Variants in ZNF250 observed in about 807,000 individuals in gnomAD.
ZNF250 encodes the protein zinc finger protein 250.
ZNF250 carries 13 observed loss-of-function variants against 37.1 expected under a neutral mutation model. The ratio of observed to expected loss-of-function variants is 0.35; its 90% confidence interval spans 0.23 to 0.56. The LOEUF is 0.56. Among genes scored for constraint, ZNF250 ranks in the 20% least tolerant of loss-of-function variants. The pLI is 0.87. For synonymous variants in ZNF250, 251 were observed against 265.6 expected, an observed-to-expected ratio of 0.94 and a Z score of 0.54; for missense variants, 474 against 697.9, an observed-to-expected ratio of 0.68 and a Z score of 3.61.
In ZNF250 at chr8:144,900,044, A is replaced by T. The variant is rs60842962; in HGVS notation, c.-55+1355T>A. Among the ~76,000 whole-genome samples the T allele has an allele frequency of 2.8e-3, 421 of 152,360 alleles. 4 individuals carry two copies. Among genetic ancestry groups the T allele is most frequent in the African/African-American group, 9.4e-3 (393 of 41,588 alleles). ...AATCAGAGTCAAAAGACAAATTGAG[A>T]AGCATGTTTTCAACATACATGGAAA... On this transcript the variant is annotated intron_variant, in intron 1 of 5. Coordinates refer to ENST00000417550, the MANE Select transcript of ZNF250 (RefSeq NM_001109689.4).
rs529656964 is a variant in ZNF250, at chr8:144,897,024, C to T, written c.-55+4375G>A. Among the ~76,000 whole-genome samples, 46 of 152,328 alleles carry T rather than the reference C, an allele frequency of 3.0e-4. No individual in the cohort carries two copies. Among genetic ancestry groups the T allele is most frequent in the African/African-American group, 1.1e-3 (45 of 41,580 alleles). ...GATCAACGTTATTAGCAGCAACTGG[C>T]TTTCCAGTTTTCTTTAGGTGATCAA... is the stretch of plus-strand genomic sequence containing the variant. On this transcript the variant is annotated intron_variant, in intron 1 of 5. Coordinates refer to ENST00000417550, the MANE Select transcript of ZNF250 (RefSeq NM_001109689.4). This position sits in a 1 kb window ranked among gnomAD's most constrained non-coding sequence, Gnocchi z 5.2.
At chr8:144,888,598 A>AGC (rs1431709159) in intron 4 of ZNF250, among the ~76,000 whole-genome samples, 1,455 of 125,434 alleles carry the variant, frequency 0.012, 10 homozygotes, top group Non-Finnish European at 0.017. Context: ...ACTGTCTCAA[A>AGC]AAAAAAAAAA....
rs957530077 is a variant in ZNF250 at position 144,881,713 on chromosome 8, A to C, written c.1470T>G (p.Ile490Met). The C allele has an allele frequency of 6.2e-7, 1 of 1,613,690 alleles. No individual in the cohort carries two copies. Among genetic ancestry groups the C allele is most frequent in the Non-Finnish European group, 8.5e-7 (1 of 1,179,918 alleles). Residue 490 changes from isoleucine to methionine, a missense_variant, in exon 6 of 6, where the codon ATT (isoleucine) becomes ATG (methionine). Coordinates refer to ENST00000417550, the MANE Select transcript of ZNF250 (RefSeq NM_001109689.4). ...CGCCCGTGTGGGTCCTCAGGTGCAC[A>C]ATCAGAGTTGCTTTCAGGCTGAAGG... Reference protein sequence around the residue: ...GKAFSLKATLIVHLRTHTGEK... With the variant: ...GKAFSLKATLMVHLRTHTGEK...
At chr8:144,883,342 CTTTT>C (rs538221806) in intron 5 of ZNF250, among the ~76,000 whole-genome samples, 1 of 140,872 alleles carries the variant, frequency 7.1e-6, no homozygotes. Context: ...AAAATAATTT[CTTTT>C]TTTTTTTTTT....
At chr8:144,892,134 C>G (rs1395672800) in intron 1 of ZNF250, among the ~76,000 whole-genome samples, 1 of 152,264 alleles carries the variant, frequency 6.6e-6, no homozygotes, top group African/African-American at 2.4e-5. Flanking sequence ...GAGAGACTGA[C>G]TTTCAACCCT....
chr8:144,902,166 GC>G (rs1387527317), upstream of ZNF250: 3 of 152,372 alleles, frequency 2.0e-5, no homozygotes, highest in Non-Finnish European at 4.4e-5. Flanking sequence ...CGCCCACTCG[GC>G]CCTGGTGTTT....
At position 144,880,066 on chromosome 8, in the gene ZNF250, CAAAA is replaced by C. The variant is rs61668478; in HGVS notation, c.*1445_*1448del. The C allele has an allele frequency of 0.054, 7,276 of 133,706 alleles. 384 individuals are homozygous for C. Among genetic ancestry groups the C allele is most frequent in the East Asian group, 0.25 (1,193 of 4,814 alleles). The allele number at this position is 133,706 out of a possible 1,614,324, so 8.3% of individuals were successfully genotyped here. On this transcript the variant is annotated 3_prime_UTR_variant, in exon 6 of 6. Transcript: ENST00000417550. The stretch of plus-strand genomic sequence containing the variant: ...GGGGAACAAGAGCAAGACTTTGTCT[CAAAA>C]AAAAAAAAAAAAGTATGCTTAAAAC...
In ZNF250 at chr8:144,882,458, C is replaced by A. The variant is rs1190346878; in HGVS notation, c.725G>T (p.Arg242Ile). 6.2e-7 allele frequency: 1 copy of A among 1,613,962 alleles called. No individual in the cohort carries two copies. The highest frequency in any genetic ancestry group is 2.2e-5 in the East Asian group (1 of 44,820). Residue 242 changes from arginine (R) to isoleucine (I), a missense_variant, in exon 6 of 6, where the codon AGA becomes ATA. By Grantham distance (97) the Arg-to-Ile change is moderately conservative. Transcript: ENST00000417550. The surrounding 1 kb of genome is among the most constrained non-coding windows in gnomAD (Gnocchi z 5.5). ...SQSSVLSKHR[R>I]IHTGEKPYEC... ...ATAGGGCTTCTCACCTGTGTGAATT[C>A]TCCTGTGTTTACTAAGGACTGAGCT...
Position 144,881,844 on chromosome 8 carries a change from C to T in ZNF250, c.1339G>A (p.Val447Met). The T allele has an allele frequency of 6.2e-7, 1 of 1,614,248 alleles. No homozygotes were observed. Among genetic ancestry groups the T allele is most frequent in the Admixed American group, 1.7e-5 (1 of 60,034 alleles). The change falls in exon 6 of 6, where the codon GTG becomes ATG. Residue 447 changes from valine to methionine, a missense_variant. Physicochemically the swap from Val to Met is conservative, Grantham distance 21 (BLOSUM62 1). Transcript: ENST00000417550. ...AAGGCGTGCCCACATTCACCACACA[C>T]ATAGGGCTTCTCCCCAGTGTGGACT... ...QRVHTGEKPY[V>M]CGECGHAFSA...
At chr8:144,888,812 G>A (rs1045493142) in intron 4 of ZNF250, among the ~76,000 whole-genome samples, 25 of 152,072 alleles carry the variant, frequency 1.6e-4, no homozygotes, top group South Asian at 6.2e-4. Flanking sequence ...GCAGTGGAGC[G>A]ATCTCAGCTC....
chr8:144,878,924 A>G lies in ZNF250; in HGVS notation c.*2591T>C, dbSNP rs1831282201. On this transcript the variant is annotated 3_prime_UTR_variant, in exon 6 of 6. Coordinates refer to ENST00000417550, the MANE Select transcript of ZNF250 (RefSeq NM_001109689.4). ...GATGTCAATTCCTTTCAGAAGTAAC[A>G]CCCAGTGATCTCACCTCCTCTCTGA... The G allele has an allele frequency of 6.6e-6, 1 of 152,084 alleles. No individual in the cohort carries two copies. The highest frequency in any genetic ancestry group is 1.5e-5 in the Non-Finnish European group (1 of 68,016). The allele number at this position is 152,084 out of a possible 1,614,324, so 9.4% of individuals were successfully genotyped here.
At position 144,876,967 on chromosome 8, in the gene ZNF250, C is replaced by T. The variant is rs1586875780; in HGVS notation, c.*4548G>A. 6.6e-6 allele frequency: 1 copy of T among 152,132 alleles called. No individual in the cohort carries two copies. Among genetic ancestry groups the T allele is most frequent in the South Asian group, 2.1e-4 (1 of 4,830 alleles). 9.4% of individuals were successfully genotyped at this position (152,132 alleles called of 1,614,324 possible). ...CTGCAAATACTTGTTCCAGTCATTA[C>T]TTTTTTATTGGAAAGCGTCAGATTA... On this transcript the variant is annotated 3_prime_UTR_variant, in exon 6 of 6. Transcript: ENST00000417550.
At chr8:144,893,742 TG>T (rs1397877645) in intron 1 of ZNF250, among the ~76,000 whole-genome samples, 1 of 152,122 alleles carries the variant, frequency 6.6e-6, no homozygotes, top group East Asian at 1.9e-4. Flanking sequence ...TGTGACTCAA[TG>T]ATGAACAACC....
intron 5 of ZNF250, among the ~76,000 whole-genome samples, chr8:144,885,126 A>G (rs1831775688): frequency 6.6e-6 from 1 of 152,196 alleles, no homozygotes; most frequent in African/African-American, 2.4e-5. Flanking sequence ...TCAGTTTAAT[A>G]CAATTTTTTT....
chr8:144,885,760 C>T (rs1254909499), intron 5 of ZNF250, among the ~76,000 whole-genome samples: 2 of 152,006 alleles, frequency 1.3e-5, no homozygotes, highest in African/African-American at 4.8e-5. Context: ...GAATAAAAGC[C>T]TATAGGCTAA....
chr8:144,888,473 T>C (rs1832056477), intron 4 of ZNF250, among the ~76,000 whole-genome samples: 1 of 151,808 alleles, frequency 6.6e-6, no homozygotes, highest in African/African-American at 2.4e-5. Flanking sequence ...GGCATGGACC[T>C]GTAATCCCAG....
intron 5 of ZNF250, among the ~76,000 whole-genome samples, chr8:144,884,444 G>A (rs1831727151): frequency 6.6e-6 from 1 of 152,070 alleles, no homozygotes; most frequent in Non-Finnish European, 1.5e-5. Context: ...AGTAGAGACA[G>A]GGTTTCACCA....
In ZNF250 at chr8:144,881,417, G is replaced by A. The variant is rs1831457489; in HGVS notation, c.*98C>T. Reference sequence around the variant, plus strand: ...TGTGACACTGAATCGCCAAAGAAAAGCTTCCTATAGAGTTAACAGAGACTT... The same window carrying A: ...TGTGACACTGAATCGCCAAAGAAAAACTTCCTATAGAGTTAACAGAGACTT... On this transcript the variant is annotated 3_prime_UTR_variant, in exon 6 of 6. Coordinates refer to ENST00000417550, the MANE Select transcript of ZNF250 (RefSeq NM_001109689.4). 2 of 1,446,672 alleles carry A rather than the reference G, an allele frequency of 1.4e-6. No individual in the cohort carries two copies. The highest frequency in any genetic ancestry group is 1.4e-5 in the African/African-American group (1 of 70,266). The allele number at this position is 1,446,672 out of a possible 1,614,324, so 89.6% of individuals were successfully genotyped here.
rs1277471728 is a variant in ZNF250 at position 144,876,978 on chromosome 8, G to A, written c.*4537C>T. On this transcript the variant is annotated 3_prime_UTR_variant, in exon 6 of 6. Coordinates refer to ENST00000417550, the MANE Select transcript of ZNF250 (RefSeq NM_001109689.4). ...TGTTCCAGTCATTACTTTTTTATTG[G>A]AAAGCGTCAGATTATACACAGAAAT... 3 of 152,252 alleles carry A rather than the reference G, an allele frequency of 2.0e-5. No individual in the cohort carries two copies. The highest frequency in any genetic ancestry group is 3.9e-4 in the East Asian group (2 of 5,190). The allele number at this position is 152,252 out of a possible 1,614,324, so 9.4% of individuals were successfully genotyped here. A position where few individuals can be genotyped will look rare whatever the true frequency, so the allele number is the denominator to read the frequency against.
Sources: gnomAD v4.1 joint callset for allele counts (sites outside exome capture counted in the v4.1 genomes callset) on GRCh38, gnomAD v4.1.1 for gene constraint, Gnocchi (gnomAD v3.1) non-coding constraint, MANE v1.5 for transcripts, NCBI Gene and HGNC (gene_info 2026-07-23, HGNC 2026-07-21) for gene names.